Variants in SETX observed in about 807,000 individuals in gnomAD.
The protein encoded by SETX is senataxin.
Under a neutral mutation model 227.2 loss-of-function variants are expected in SETX, and 90 were observed. That is an observed-to-expected ratio of 0.40 (90% confidence interval 0.33 to 0.47). SETX has a LOEUF of 0.47. Among genes scored for constraint, SETX ranks in the 20% least tolerant of loss-of-function variants. The probability of loss-of-function intolerance (pLI) is 0.91; values close to 1 mark genes in which losing one functional copy is unlikely to be tolerated. For missense variants in SETX, 3,052 were observed against 3,181.5 expected (o/e 0.96, Z 0.98); for synonymous variants, 1,210 against 1,113.2 (o/e 1.09, Z -1.73).
At chr9:132,349,480 C>T in intron 2 of SETX, 45 bp from the exon 3 acceptor site, 1 of 1,589,184 alleles carries the variant, frequency 6.3e-7, no homozygotes, top group Non-Finnish European at 8.6e-7. Context: ...CAACTTCAGA[C>T]CTACTGTGTG....
intron 25 of SETX, among the ~76,000 whole-genome samples, chr9:132,265,288 C>G (rs1053995776): frequency 3.5e-5 from 5 of 142,722 alleles, no homozygotes; most frequent in Admixed American, 7.2e-5. Context: ...TGCAGTGGCG[C>G]GATCTTGGCT....
intron 10 of SETX, among the ~76,000 whole-genome samples, chr9:132,325,932 TAA>T (rs1305318477): frequency 2.1e-3 from 157 of 73,956 alleles, no homozygotes; most frequent in African/African-American, 3.1e-3. Flanking sequence ...AAACTCCACC[TAA>T]AAAAAAAAAA....
chr9:132,304,441 T>C (rs1845203060), intron 11 of SETX, among the ~76,000 whole-genome samples: 1 of 151,906 alleles, frequency 6.6e-6, no homozygotes, highest in Admixed American at 6.6e-5. Context: ...GAACTTGTAA[T>C]TGTGTAAACC....
chr9:132,329,448 T>G lies in SETX; in HGVS notation c.2150A>C (p.Glu717Ala). Residue 717 changes from glutamate to alanine, a missense_variant, in exon 10 of 26, where the codon GAG becomes GCG. By Grantham distance (107) the Glu-to-Ala change is moderately radical. Coordinates refer to ENST00000224140, the MANE Select transcript of SETX (RefSeq NM_015046.7). ...ISTRKQKSVK[E>A]ISSYTPKDCT... ...GTCCTTTGGTGTATATGAAGAGATC[T>G]CTTTTACAGACTTCTGCTTCCTTGT... The G allele has an allele frequency of 6.2e-7, 1 of 1,613,134 alleles. No individual in the cohort carries two copies. The highest frequency in any genetic ancestry group is 8.5e-7 in the Non-Finnish European group (1 of 1,179,854).
chr9:132,356,141 C>A (rs1285279774), upstream of SETX, among the ~76,000 whole-genome samples: 2 of 151,982 alleles, frequency 1.3e-5, no homozygotes, highest in Non-Finnish European at 2.9e-5. Flanking sequence ...CAAAGCAAGA[C>A]CCTGTCTCAG....
intron 3 of SETX, 65 bp downstream of exon 3, chr9:132,349,187 G>T: frequency 6.8e-7 from 1 of 1,471,508 alleles, no homozygotes; most frequent in Non-Finnish European, 9.5e-7. Flanking sequence ...TTCCAACGGA[G>T]TTCAAACTTA....
chr9:132,349,414 A>G lies in SETX; in HGVS notation c.15T>C (p.Cys5=), dbSNP rs1463229001. MSTC[C]WCTPGGASTI... ...TGGAAGCACCACCTGGCGTACACCA[A>G]CAACATGTGCTCATTCTGTACCTAC... The change falls in exon 3 of 26, where the codon TGT becomes TGC. Residue 5 remains cysteine (C), a synonymous_variant. Coordinates refer to ENST00000224140, the MANE Select transcript of SETX (RefSeq NM_015046.7). The G allele has an allele frequency of 6.2e-7, 1 of 1,614,206 alleles. No individual in the cohort carries two copies. The highest frequency in any genetic ancestry group is 1.1e-5 in the South Asian group (1 of 91,088).
At chr9:132,281,100 T>G (rs748055582) in intron 20 of SETX, among the ~76,000 whole-genome samples, 8 of 152,220 alleles carry the variant, frequency 5.3e-5, no homozygotes, top group Non-Finnish European at 1.0e-4. Context: ...TTCTGAAGTT[T>G]TTCTTTTATT....
chr9:132,267,574 C>G (rs1261155458), intron 25 of SETX, among the ~76,000 whole-genome samples: 1 of 152,146 alleles, frequency 6.6e-6, no homozygotes, highest in Non-Finnish European at 1.5e-5. Context: ...AAAGAAAAAG[C>G]CCAAGGACAA....
In SETX at chr9:132,327,901, T is replaced by C; in HGVS notation, c.3697A>G (p.Ile1233Val). 6.2e-7 allele frequency: 1 copy of C among 1,614,220 alleles called. No individual in the cohort carries two copies. The highest frequency in any genetic ancestry group is 8.5e-7 in the Non-Finnish European group (1 of 1,180,034). ...SSKLCTCTEP[I>V]RKVPVSKTPK... is the part of the protein sequence containing the mutation. The stretch of plus-strand genomic sequence containing the variant: ...GTCTTAGAAACTGGAACTTTCCTGA[T>C]GGGTTCTGTACAAGTACAAAGCTTT... The change falls in exon 10 of 26, where the codon ATC becomes GTC. Residue 1233 changes from isoleucine to valine, a missense_variant. Transcript: ENST00000224140.
At position 132,286,449 on chromosome 9, in the gene SETX, G is replaced by A; in HGVS notation, c.6370C>T (p.Gln2124Ter). 1 of 1,612,598 alleles carries A rather than the reference G, an allele frequency of 6.2e-7. No individual in the cohort carries two copies. The highest frequency in any genetic ancestry group is 8.5e-7 in the Non-Finnish European group (1 of 1,179,540). The change falls in exon 18 of 26, where the codon CAG becomes TAG. Residue 2124 changes from glutamine to a stop codon, truncating the protein, a stop_gained. Coordinates refer to ENST00000224140, the MANE Select transcript of SETX (RefSeq NM_015046.7). LOFTEE classifies it high-confidence loss of function. The stretch of plus-strand genomic sequence containing the variant: ...TCTTTAATTTTAGAAGCAAGTTCCT[G>A]CCTTTCCTTAGAAACTTTGGAAATG... ...ENISKVSKER[Q>*]ELASKIKEVQ... is the part of the protein sequence containing the mutation.
chr9:132,284,969 C>T (rs1843758975), intron 18 of SETX, among the ~76,000 whole-genome samples: 1 of 151,958 alleles, frequency 6.6e-6, no homozygotes, highest in African/African-American at 2.4e-5. Context: ...AGCTCTGCCT[C>T]CCAGGTTCAC....
chr9:132,315,360 A>C (rs1286559336), intron 10 of SETX, among the ~76,000 whole-genome samples: 1 of 152,178 alleles, frequency 6.6e-6, no homozygotes, highest in Non-Finnish European at 1.5e-5. Flanking sequence ...ACTGACATTC[A>C]TCTCCATGTC....
At chr9:132,274,009 G>A (rs12377554) in intron 23 of SETX, among the ~76,000 whole-genome samples, 6,799 of 148,996 alleles carry the variant, frequency 0.046, 217 homozygotes, top group Non-Finnish European at 0.069. Flanking sequence ...TTTGGGTTCC[G>A]TGCAACTTTT....
chr9:132,323,277 A>G (rs1222553757), intron 10 of SETX, among the ~76,000 whole-genome samples: 4 of 152,220 alleles, frequency 2.6e-5, no homozygotes, highest in African/African-American at 4.8e-5. Context: ...CGATTTAAAC[A>G]TTCAAGAAAA....
chr9:132,293,531 C>T (rs188940400), intron 15 of SETX, among the ~76,000 whole-genome samples: 7 of 152,236 alleles, frequency 4.6e-5, no homozygotes, highest in Non-Finnish European at 1.0e-4. Flanking sequence ...AAGTGATTCT[C>T]CCGCCTCAGC....
intron 20 of SETX, among the ~76,000 whole-genome samples, chr9:132,278,648 G>A (rs191301339): frequency 1.3e-5 from 2 of 151,872 alleles, no homozygotes; most frequent in East Asian, 1.9e-4. Context: ...GAATATATGT[G>A]GAGGTCTTTT....
intron 10 of SETX, among the ~76,000 whole-genome samples, chr9:132,326,062 A>T (rs1035529786): frequency 6.6e-6 from 1 of 151,854 alleles, no homozygotes; most frequent in Non-Finnish European, 1.5e-5. Context: ...TAATTTAACT[A>T]TACTTTTTTT....
intron 25 of SETX, among the ~76,000 whole-genome samples, chr9:132,267,142 G>C (rs560376988): frequency 6.6e-6 from 1 of 152,278 alleles, no homozygotes; most frequent in South Asian, 2.1e-4. Context: ...TATAATGAAT[G>C]GTTTCTTGAA....
Sources: gnomAD v4.1 joint callset for allele counts (sites outside exome capture counted in the v4.1 genomes callset) on GRCh38, gnomAD v4.1.1 for gene constraint, MANE v1.5 for transcripts, NCBI Gene and HGNC (gene_info 2026-07-23, HGNC 2026-07-21) for gene names.